Variants in SPAST observed in about 807,000 individuals in gnomAD.
The protein encoded by SPAST is spastic paraplegia 4 (autosomal dominant; spastin).
SPAST carries 30 observed loss-of-function variants against 76.6 expected under a neutral mutation model. That is an observed-to-expected ratio of 0.39 (90% CI 0.29 to 0.53). SPAST has a LOEUF of 0.53. SPAST is among the 20% of genes least tolerant of loss of function. The probability of loss-of-function intolerance (pLI) is 0.68; values close to 1 mark genes in which losing one functional copy is unlikely to be tolerated. For synonymous variants in SPAST, 305 were observed against 281.0 expected (o/e 1.09, Z -0.86); for missense variants, 717 against 770.5 (o/e 0.93, Z 0.82).
At chr2:32,104,754 TC>T (rs1678255398) in intron 4 of SPAST, among the ~76,000 whole-genome samples, 1 of 152,348 alleles carries the variant, frequency 6.6e-6, no homozygotes, top group Non-Finnish European at 1.5e-5. Context: ...GAAAATTCTT[TC>T]CTTTAAGAAT....
At chr2:32,141,998 C>T in intron 13 of SPAST, 52 bp downstream of exon 13, 1 of 1,320,880 alleles carries the variant, frequency 7.6e-7, no homozygotes, top group Non-Finnish European at 1.1e-6. Flanking sequence ...ACAAGAACTA[C>T]CATCTTGACA....
At position 32,098,804 on chromosome 2, in the gene SPAST, C is replaced by G; in HGVS notation, c.595C>G (p.Gln199Glu). The G allele has an allele frequency of 6.2e-7, 1 of 1,611,722 alleles. No individual in the cohort carries two copies. Among genetic ancestry groups the G allele is most frequent in the East Asian group, 2.2e-5 (1 of 44,824 alleles). ...CCTTCTCTGTTGCATAGAGAAGATGCAACCAGTTTTGCCATTTTCCAAGTC... is the reference window on the plus strand; with the variant it reads ...CCTTCTCTGTTGCATAGAGAAGATGGAACCAGTTTTGCCATTTTCCAAGTC... ...KDRLQLLEKM[Q>E]PVLPFSKSQT... The change falls in exon 4 of 17, where the codon CAA becomes GAA. Residue 199 changes from glutamine to glutamate, a missense_variant. Transcript: ENST00000315285.
intron 1 of SPAST, among the ~76,000 whole-genome samples, chr2:32,084,739 TAGGC>T (rs1213620412): frequency 2.0e-5 from 3 of 150,926 alleles, no homozygotes; most frequent in Non-Finnish European, 4.4e-5. Flanking sequence ...TACAAAAAAT[TAGGC>T]AGGTGTGGTG....
At chr2:32,065,309 C>A (rs967196883) in intron 1 of SPAST, among the ~76,000 whole-genome samples, 2 of 152,086 alleles carry the variant, frequency 1.3e-5, no homozygotes. Flanking sequence ...TGAGCCACCG[C>A]GCCTGGCCTT....
intron 1 of SPAST, among the ~76,000 whole-genome samples, chr2:32,083,473 C>T (rs111776664): frequency 3.3e-5 from 5 of 151,300 alleles, no homozygotes; most frequent in African/African-American, 9.7e-5. Flanking sequence ...CCCTTTGTCT[C>T]GTAATATTTT....
intron 1 of SPAST, among the ~76,000 whole-genome samples, chr2:32,075,917 T>TTTG (rs1558614717): frequency 6.9e-6 from 1 of 144,062 alleles, no homozygotes. Flanking sequence ...TTTTTTTTTT[T>TTTG]TGAGACAGAG....
At chr2:32,145,126 C>T (rs1482203949) in intron 15 of SPAST, 119 bp downstream of exon 15, 2 of 708,078 alleles carry the variant, frequency 2.8e-6, no homozygotes, top group East Asian at 5.8e-5. Context: ...GGGTCTCACT[C>T]TGTTGCCCAG....
At position 32,096,153 on chromosome 2, in the gene SPAST, G is replaced by A. The variant is rs140260802; in HGVS notation, c.587-2643G>A. Among the ~76,000 whole-genome samples the A allele has an allele frequency of 7.9e-5, 12 of 152,306 alleles. No individual in the cohort carries two copies. The East Asian group carries it at 9.6e-4, about 12-fold the overall frequency. ...TAGTCCTTTAACAGAAGTGAATTGG[G>A]TCTGGGCGCGGTGGCTCACGCCTGT... is the stretch of plus-strand genomic sequence containing the variant. On this transcript the variant is annotated intron_variant, in intron 3 of 16. Transcript: ENST00000315285.
At chr2:32,090,024 G>A (rs997927290) in intron 3 of SPAST, among the ~76,000 whole-genome samples, 6 of 152,128 alleles carry the variant, frequency 3.9e-5, no homozygotes, top group Non-Finnish European at 7.4e-5. Context: ...TCGGCCTCCC[G>A]AAGTGCTGGA....
intron 9 of SPAST, chr2:32,128,830 C>T (rs954676091): frequency 5.5e-5 from 17 of 308,862 alleles, no homozygotes; most frequent in African/African-American, 3.3e-4. Context: ...ATGTTGTGTG[C>T]CTCTCTCCTG....
intron 7 of SPAST, 119 bp downstream of exon 7, chr2:32,116,331 T>C (rs1194556372): frequency 8.7e-6 from 6 of 692,332 alleles, no homozygotes; most frequent in Non-Finnish European, 1.5e-5. Context: ...AAGGTAACAA[T>C]AGATTTAATG....
chr2:32,113,802 G>C (rs1233490130), intron 4 of SPAST, among the ~76,000 whole-genome samples: 1 of 151,838 alleles, frequency 6.6e-6, no homozygotes, highest in Admixed American at 6.6e-5. Flanking sequence ...ACTGACATCA[G>C]GTGATCCGTC....
chr2:32,088,327 C>G (rs1001949002), intron 2 of SPAST, among the ~76,000 whole-genome samples: 1 of 152,024 alleles, frequency 6.6e-6, no homozygotes, highest in African/African-American at 2.4e-5. Flanking sequence ...GCCACTGTAC[C>G]CAGCCAGATT....
intron 1 of SPAST, 37 bp from the exon 2 acceptor site, chr2:32,087,455 T>C: frequency 7.7e-7 from 1 of 1,302,666 alleles, no homozygotes; most frequent in Non-Finnish European, 1.1e-6. Flanking sequence ...TAGTGTACTC[T>C]TCATACGATC....
intron 6 of SPAST, 112 bp from the exon 7 acceptor site, chr2:32,116,007 A>G (rs938834741): frequency 1.9e-5 from 18 of 959,168 alleles, no homozygotes; most frequent in Admixed American, 4.3e-5. Flanking sequence ...TGATTTAACT[A>G]TAGTTTAACA....
chr2:32,150,162 T>C (rs1680030094), intron 16 of SPAST, among the ~76,000 whole-genome samples: 1 of 150,512 alleles, frequency 6.6e-6, no homozygotes, highest in South Asian at 2.1e-4. Flanking sequence ...AACCTCCGCC[T>C]ACTGGGTTCA....
At position 32,145,920 on chromosome 2, in the gene SPAST, T is replaced by A. The variant is rs187225953; in HGVS notation, c.1687+913T>A. Reference sequence around the variant, plus strand: ...TTCAAGAAAGTACAATTGAATGTAGTTGTACGAGAAAGATGTTATCATAGT... The same window carrying A: ...TTCAAGAAAGTACAATTGAATGTAGATGTACGAGAAAGATGTTATCATAGT... On this transcript the variant is annotated intron_variant, in intron 15 of 16. Coordinates refer to ENST00000315285, the MANE Select transcript of SPAST (RefSeq NM_014946.4). Among the ~76,000 whole-genome samples the A allele has an allele frequency of 5.3e-5, 8 of 152,306 alleles. No individual in the cohort carries two copies. In the East Asian group the frequency reaches 1.5e-3, roughly 29 times the overall value.
In SPAST at chr2:32,154,505, C is replaced by A; in HGVS notation, c.*9C>A. On this transcript the variant is annotated 3_prime_UTR_variant, in exon 17 of 17. Transcript: ENST00000315285. ...GAGATACCACTGTTTAAGGAAATACCTTTGTAAACCTGCAGAACATTTTAC... is the reference window on the plus strand; with the variant it reads ...GAGATACCACTGTTTAAGGAAATACATTTGTAAACCTGCAGAACATTTTAC... The A allele has an allele frequency of 6.2e-7, 1 of 1,612,636 alleles. No homozygotes were observed.
chr2:32,113,560 CTTTTTTT>C (rs10534612), intron 4 of SPAST, among the ~76,000 whole-genome samples: 5 of 90,904 alleles, frequency 5.5e-5, no homozygotes, highest in Admixed American at 1.4e-4. Context: ...TGCTTCATAA[CTTTTTTT>C]TTTTTTTTTT....
Sources: allele counts gnomAD v4.1 joint callset (sites outside exome capture counted in the v4.1 genomes callset), GRCh38; gene constraint gnomAD v4.1.1; transcripts MANE v1.5; gene names NCBI Gene and HGNC (gene_info 2026-07-23, HGNC 2026-07-21).